The following GORASP2 variants were observed in gnomAD, a reference collection of about 807,000 sequenced individuals.
GORASP2 encodes golgi reassembly stacking protein 2.
In GORASP2, 22 loss-of-function variants were observed where a neutral mutation model predicts 45.7. That is an observed-to-expected ratio of 0.48 (90% CI 0.34 to 0.69). The LOEUF (loss-of-function observed/expected upper bound fraction) is 0.69. Among genes scored for constraint, GORASP2 ranks in the 30% least tolerant of loss-of-function variants. GORASP2 has a pLI of 0.01. For missense variants in GORASP2, 491 were observed against 562.7 expected (o/e 0.87, Z 1.29); for synonymous variants, 221 against 215.6 (o/e 1.02, Z -0.22).
intron 7 of GORASP2, among the ~76,000 whole-genome samples, chr2:170,958,870 ATGT>A (rs1260528810): frequency 1.3e-5 from 2 of 152,034 alleles, no homozygotes; most frequent in African/African-American, 2.4e-5. Context: ...GGGTTTTGCC[ATGT>A]TGGCCAGGCT....
At chr2:170,932,818 A>G (rs906062611) in intron 1 of GORASP2, among the ~76,000 whole-genome samples, 1 of 152,220 alleles carries the variant, frequency 6.6e-6, no homozygotes, top group African/African-American at 2.4e-5. Flanking sequence ...CAAGGACTAT[A>G]TGGCCAAAAG....
At chr2:170,961,620 G>A (rs753528215) in intron 7 of GORASP2, 43 bp from the exon 8 acceptor site, 9 of 1,034,872 alleles carry the variant, frequency 8.7e-6, no homozygotes, top group Middle Eastern at 2.0e-4. Context: ...ATTTCTTGTC[G>A]ACTAAATTTG....
intron 6 of GORASP2, 70 bp downstream of exon 6, chr2:170,954,852 C>A: frequency 8.3e-7 from 1 of 1,207,426 alleles, no homozygotes. Context: ...TTCAGTGCTA[C>A]TATATGGCAG....
chr2:170,935,889 G>T (rs910477466), intron 1 of GORASP2, among the ~76,000 whole-genome samples: 1 of 152,028 alleles, frequency 6.6e-6, no homozygotes, highest in African/African-American at 2.4e-5. Context: ...ATATGCTTTC[G>T]TACTTATGTG....
intron 3 of GORASP2, 82 bp downstream of exon 3, chr2:170,949,824 A>G (rs1311193508): frequency 8.3e-7 from 1 of 1,210,802 alleles, no homozygotes; most frequent in African/African-American, 1.5e-5. Context: ...TTCTGGCTTA[A>G]TAAGATTGTA....
intron 3 of GORASP2, 74 bp downstream of exon 3, chr2:170,949,816 C>G: frequency 8.0e-7 from 1 of 1,254,814 alleles, no homozygotes; most frequent in Non-Finnish European, 1.2e-6. Context: ...ATGGTTGTTT[C>G]TGGCTTAATA....
At chr2:170,931,989 G>A (rs1451744283) in intron 1 of GORASP2, among the ~76,000 whole-genome samples, 1 of 152,238 alleles carries the variant, frequency 6.6e-6, no homozygotes, top group African/African-American at 2.4e-5. Context: ...ACTTTGGGAG[G>A]CCGAGGTGGG....
chr2:170,965,142 T>C (rs1232433394), intron 9 of GORASP2, among the ~76,000 whole-genome samples: 2 of 151,952 alleles, frequency 1.3e-5, no homozygotes, highest in African/African-American at 2.4e-5. Flanking sequence ...CTCCAACTCC[T>C]GGGTTCAAGC....
At chr2:170,953,294 C>T (rs879496147) in intron 5 of GORASP2, among the ~76,000 whole-genome samples, 16 of 151,820 alleles carry the variant, frequency 1.1e-4, no homozygotes, top group Non-Finnish European at 2.2e-4. Flanking sequence ...AGGCAGAGGT[C>T]GCAGTGAGCC....
At chr2:170,962,790 TC>T (rs1460916611) in intron 8 of GORASP2, 48 bp from the exon 9 acceptor site, 13 of 1,235,038 alleles carry the variant, frequency 1.1e-5, no homozygotes, top group Non-Finnish European at 1.4e-5. Flanking sequence ...ATTTATTTCT[TC>T]CCCAGGTCAA....
intron 1 of GORASP2, among the ~76,000 whole-genome samples, chr2:170,933,109 A>C (rs201027431): frequency 6.6e-6 from 1 of 152,250 alleles, no homozygotes; most frequent in African/African-American, 2.4e-5. Context: ...ATAGTCACCC[A>C]AAGTGTAGAT....
chr2:170,951,288 A>G, intron 4 of GORASP2, 40 bp from the exon 5 acceptor site: 1 of 1,547,306 alleles, frequency 6.5e-7, no homozygotes, highest in African/African-American at 1.4e-5. Flanking sequence ...GTTCCAAAGT[A>G]TGGTAACGTG....
intron 5 of GORASP2, among the ~76,000 whole-genome samples, chr2:170,953,523 T>C (rs953538701): frequency 6.6e-6 from 1 of 152,024 alleles, no homozygotes; most frequent in African/African-American, 2.4e-5. Flanking sequence ...GTTTGGGAAA[T>C]AAAAGACATC....
intron 5 of GORASP2, chr2:170,951,687 C>T: frequency 3.6e-6 from 1 of 278,162 alleles, no homozygotes; most frequent in Non-Finnish European, 6.7e-6. Context: ...TAAGAGCTAA[C>T]AGCATTTCTT....
chr2:170,947,577 C>G (rs551001828), intron 1 of GORASP2, among the ~76,000 whole-genome samples: 1 of 152,232 alleles, frequency 6.6e-6, no homozygotes, highest in East Asian at 1.9e-4. Flanking sequence ...TATCCATTGC[C>G]CCTTCCTCTT....
At chr2:170,963,610 C>A (rs951818086) in intron 9 of GORASP2, among the ~76,000 whole-genome samples, 1 of 151,566 alleles carries the variant, frequency 6.6e-6, no homozygotes, top group African/African-American at 2.4e-5. Flanking sequence ...ATTCTCATCA[C>A]CCCTGCTCAG....
chr2:170,950,395 G>C (rs564584029), intron 4 of GORASP2, 105 bp downstream of exon 4: 5 of 578,972 alleles, frequency 8.6e-6, no homozygotes, highest in African/African-American at 5.9e-5. Context: ...TAAAATTTCA[G>C]TCTTTGCTGA....
At chr2:170,948,307 C>T (rs767545115) in intron 1 of GORASP2, 43 bp from the exon 2 acceptor site, 1 of 1,122,170 alleles carries the variant, frequency 8.9e-7, no homozygotes, top group South Asian at 1.3e-5. Flanking sequence ...CAATTTTCAC[C>T]TAAGCTTTAC....
At chr2:170,954,222 G>C (rs12612871) in intron 5 of GORASP2, 88,267 of 157,894 alleles carry the variant, frequency 0.56, 28,288 homozygotes, top group East Asian at 0.95. Flanking sequence ...AGGCTGTATC[G>C]ATGTCATTTG....
Sources: allele counts gnomAD v4.1 joint callset (sites outside exome capture counted in the v4.1 genomes callset), GRCh38; gene constraint gnomAD v4.1.1; transcripts MANE v1.5; gene names NCBI Gene and HGNC (gene_info 2026-07-23, HGNC 2026-07-21).